Variants in SS18 observed in about 807,000 individuals in gnomAD.
SS18 encodes the protein SS18 subunit of BAF chromatin remodeling complex.
A neutral mutation model predicts 72.5 loss-of-function variants in SS18; 28 were observed. The observed-to-expected ratio is 0.39, with a 90% confidence interval of 0.29 to 0.53. The LOEUF (loss-of-function observed/expected upper bound fraction) is 0.53, where lower values mean the gene tolerates loss of function less well. Ranked by LOEUF, SS18 falls within the 20% of genes least tolerant of loss-of-function variation. SS18 has a pLI of 0.76. For synonymous variants in SS18, 172 were observed against 164.2 expected (o/e 1.05, Z -0.37); for missense variants, 518 against 535.3 (o/e 0.97, Z 0.32).
At chr18:26,048,323 T>C (rs146481865) in intron 5 of SS18, among the ~76,000 whole-genome samples, 5 of 152,314 alleles carry the variant, frequency 3.3e-5, no homozygotes, top group African/African-American at 1.2e-4. Context: ...TTTCCAGAAG[T>C]ATTTGTAAAA....
chr18:26,046,939 T>C (rs992479182), intron 5 of SS18, among the ~76,000 whole-genome samples: 1 of 152,200 alleles, frequency 6.6e-6, no homozygotes, highest in Non-Finnish European at 1.5e-5. Flanking sequence ...TAAGAGTTCA[T>C]ACTTTATACA....
At chr18:26,059,161 TAA>T (rs1043028387) in intron 3 of SS18, among the ~76,000 whole-genome samples, 1 of 152,132 alleles carries the variant, frequency 6.6e-6, no homozygotes, top group African/African-American at 2.4e-5. Flanking sequence ...CTCAGCTAAA[TAA>T]AACTCATAAA....
intron 9 of SS18, among the ~76,000 whole-genome samples, chr18:26,033,086 A>C (rs1377259810): frequency 4.6e-5 from 7 of 152,266 alleles, no homozygotes; most frequent in African/African-American, 1.7e-4. Context: ...CACAGGTTAC[A>C]TGTGAAAAAA....
At chr18:26,046,164 C>G (rs2053817813) in intron 5 of SS18, among the ~76,000 whole-genome samples, 1 of 138,328 alleles carries the variant, frequency 7.2e-6, no homozygotes. Context: ...TGCACTCCAG[C>G]CTGGGTGACA....
chr18:26,043,416 A>T (rs550323326), intron 5 of SS18, among the ~76,000 whole-genome samples: 24 of 152,206 alleles, frequency 1.6e-4, no homozygotes, highest in Admixed American at 6.5e-4. Flanking sequence ...TACCCTCCTC[A>T]GGCCTATTTT....
chr18:26,079,872 T>C (rs2054484874), intron 2 of SS18, among the ~76,000 whole-genome samples: 5 of 152,082 alleles, frequency 3.3e-5, no homozygotes, highest in East Asian at 1.9e-4. Context: ...TGAGCCACTG[T>C]ACCCAGCCGA....
At chr18:26,038,478 G>A in intron 7 of SS18, 77 bp downstream of exon 7, 3 of 1,348,562 alleles carry the variant, frequency 2.2e-6, no homozygotes, top group Non-Finnish European at 3.2e-6. Context: ...CGTCCTCACT[G>A]AAATGTTTTA....
At chr18:26,073,570 T>C (rs540915229) in intron 3 of SS18, among the ~76,000 whole-genome samples, 3 of 152,334 alleles carry the variant, frequency 2.0e-5, no homozygotes, top group Admixed American at 6.5e-5. Context: ...GTGGATATAA[T>C]TGCTGGAACC....
At chr18:26,065,054 C>G (rs1456517287) in intron 3 of SS18, among the ~76,000 whole-genome samples, 1 of 152,062 alleles carries the variant, frequency 6.6e-6, no homozygotes, top group Non-Finnish European at 1.5e-5. Flanking sequence ...TACCTCTACA[C>G]TGAAATACTG....
rs961926557 is a variant in SS18 at position 26,017,169 on chromosome 18, T to C, written c.*1185A>G. ...TGCTAATAAACAAGGTTATCTAGAA[T>C]GCAACCTCGGTGCTTTAAAAACAGA... is the stretch of plus-strand genomic sequence containing the variant. On this transcript the variant is annotated 3_prime_UTR_variant, in exon 11 of 11. Coordinates refer to ENST00000415083, the MANE Select transcript of SS18 (RefSeq NM_001007559.3). 12 of 208,676 alleles carry C rather than the reference T, an allele frequency of 5.8e-5. No individual in the cohort carries two copies. The highest frequency in any genetic ancestry group is 1.2e-4 in the Non-Finnish European group (12 of 102,764). The allele number at this position is 208,676 out of a possible 1,614,324, so 12.9% of individuals were successfully genotyped here. A position where few individuals can be genotyped will look rare whatever the true frequency, so the allele number is the denominator to read the frequency against.
intron 10 of SS18, among the ~76,000 whole-genome samples, chr18:26,025,148 ATGTGT>A (rs1567987250): frequency 6.6e-6 from 1 of 152,146 alleles, no homozygotes; most frequent in Non-Finnish European, 1.5e-5. Context: ...CACACTTCTG[ATGTGT>A]TGTGGGTCAA....
At chr18:26,059,930 G>A (rs79912313) in intron 3 of SS18, among the ~76,000 whole-genome samples, 8 of 152,332 alleles carry the variant, frequency 5.3e-5, no homozygotes, top group African/African-American at 1.9e-4. Flanking sequence ...TATAGAAATT[G>A]CAACTCTCAT....
intron 2 of SS18, chr18:26,082,311 A>G (rs2054538728): frequency 1.2e-6 from 1 of 855,674 alleles, no homozygotes; most frequent in South Asian, 5.4e-5. Context: ...ATTTGTTGAC[A>G]TAATTACAAA....
intron 5 of SS18, among the ~76,000 whole-genome samples, chr18:26,046,981 T>C (rs142433930): frequency 6.6e-6 from 1 of 152,124 alleles, no homozygotes; most frequent in Non-Finnish European, 1.5e-5. Context: ...TAACTGAAAT[T>C]CAAATGGTGG....
At chr18:26,029,251 G>C (rs1445817508) in intron 10 of SS18, among the ~76,000 whole-genome samples, 2 of 152,168 alleles carry the variant, frequency 1.3e-5, no homozygotes, top group African/African-American at 4.8e-5. Flanking sequence ...TAGGAGGTGG[G>C]AGCACAAGTC....
intron 2 of SS18, chr18:26,081,185 AAATAAGT>A (rs1351730183): frequency 5.9e-5 from 9 of 151,954 alleles, no homozygotes; most frequent in African/African-American, 2.2e-4. Flanking sequence ...AGCATTCATC[AAATAAGT>A]ATATTCTTTT....
Position 26,039,434 on chromosome 18 carries a change from A to G in SS18, c.630T>C (p.Pro210=), listed in dbSNP as rs781493660. ...PNQGPMMHQQ[P]PSQQYNMPQG... is the part of the protein sequence containing the mutation. ...GTGGCATATTGTATTGCTGAGAAGG[A>G]GGCTGCTGATGCATCATTGGACCTG... The change falls in exon 6 of 11, where the codon CCT becomes CCC. Residue 210 remains proline, a synonymous_variant. Transcript: ENST00000415083. 4.3e-6 allele frequency: 7 copies of G among 1,613,528 alleles called. No individual in the cohort carries two copies. The East Asian group carries it at 1.1e-4, about 26-fold the overall frequency.
At chr18:26,080,484 C>T (rs12959408) in intron 2 of SS18, 1 of 470,482 alleles carries the variant, frequency 2.1e-6, no homozygotes, top group Non-Finnish European at 2.8e-6. Flanking sequence ...TGTGAAACTA[C>T]TATTACATCT....
At chr18:26,050,963 A>G (rs1191092447) in intron 5 of SS18, among the ~76,000 whole-genome samples, 1 of 152,134 alleles carries the variant, frequency 6.6e-6, no homozygotes, top group African/African-American at 2.4e-5. Flanking sequence ...GATTTTAACC[A>G]TATTTTCTTT....
Sources: gnomAD v4.1 joint callset for allele counts (sites outside exome capture counted in the v4.1 genomes callset) on GRCh38, gnomAD v4.1.1 for gene constraint, MANE v1.5 for transcripts, NCBI Gene and HGNC (gene_info 2026-07-23, HGNC 2026-07-21) for gene names.